The following CBX6 variants were observed in gnomAD, a reference collection of about 807,000 sequenced individuals.
CBX6 encodes the protein chromobox 6.
Under a neutral mutation model 28.4 loss-of-function variants are expected in CBX6, and 7 were observed. That is an observed-to-expected ratio of 0.25 (90% confidence interval 0.14 to 0.46). The LOEUF (loss-of-function observed/expected upper bound fraction) is 0.46, where lower values mean the gene tolerates loss of function less well. Among genes scored for constraint, CBX6 ranks in the 20% least tolerant of loss-of-function variants. The pLI, the probability that CBX6 is intolerant of heterozygous loss-of-function variation, is 0.99. For synonymous variants in CBX6, 297 were observed against 273.4 expected (o/e 1.09, Z -0.85); for missense variants, 512 against 606.1 (o/e 0.84, Z 1.63).
Position 38,864,252 on chromosome 22 carries a change from T to C in CBX6, c.*1957A>G, listed in dbSNP as rs1132718. 3.9e-5 allele frequency: 6 copies of C among 152,080 alleles called. No homozygotes were observed. Among genetic ancestry groups the C allele is most frequent in the African/African-American group, 1.2e-4 (5 of 41,416 alleles). 9.4% of individuals were successfully genotyped at this position (152,080 alleles called of 1,614,324 possible). ...TTTTTTTCCTCTTTTTTTGTTTTTG[T>C]TTTTTTGCAAAACTAATTCTTTCAC... On this transcript the variant is annotated 3_prime_UTR_variant, in exon 5 of 5. Transcript: ENST00000407418.
rs1445814794 is a variant in CBX6 at position 38,863,605 on chromosome 22, C to T, written c.*2604G>A. ...CACTGCCCACCTCAAGGCGGTGTGCCTGGTGCCTCTTCATGCACCAAGGCT... is the reference window on the plus strand; with the variant it reads ...CACTGCCCACCTCAAGGCGGTGTGCTTGGTGCCTCTTCATGCACCAAGGCT... On this transcript the variant is annotated 3_prime_UTR_variant, in exon 5 of 5. Transcript: ENST00000407418. 2 of 152,150 alleles carry T rather than the reference C, an allele frequency of 1.3e-5. No individual in the cohort carries two copies. Among genetic ancestry groups the T allele is most frequent in the African/African-American group, 4.8e-5 (2 of 41,420 alleles). 9.4% of individuals were successfully genotyped at this position (152,150 alleles called of 1,614,324 possible).
Position 38,866,187 on chromosome 22 carries a change from C to G in CBX6, c.*22G>C, listed in dbSNP as rs1004465580. The G allele has an allele frequency of 6.5e-7, 1 of 1,535,070 alleles. No homozygotes were observed. Among genetic ancestry groups the G allele is most frequent in the Non-Finnish European group, 8.9e-7 (1 of 1,124,066 alleles). ...TTCGGGCAGGAGGGCCCCCCCAAGC[C>G]CCCCTCCTTGGTGGAGCCCCCTCAC... On this transcript the variant is annotated 3_prime_UTR_variant, in exon 5 of 5. Coordinates refer to ENST00000407418, the MANE Select transcript of CBX6 (RefSeq NM_014292.5). This position sits in a 1 kb window ranked among gnomAD's most constrained non-coding sequence, Gnocchi z 7.5.
Position 38,871,186 on chromosome 22 carries a change from C to T in CBX6, c.246+294G>A, listed in dbSNP as rs1122770. The T allele has an allele frequency of 3.5e-3, 1,784 of 516,232 alleles. 24 individuals carry two copies. Among genetic ancestry groups the T allele is most frequent in the African/African-American group, 0.033 (1,650 of 50,502 alleles). The allele number at this position is 516,232 out of a possible 1,614,324, so 32.0% of individuals were successfully genotyped here. On this transcript the variant is annotated intron_variant, in intron 4 of 4. Coordinates refer to ENST00000407418, the MANE Select transcript of CBX6 (RefSeq NM_014292.5). The surrounding 1 kb of genome is among the most constrained non-coding windows in gnomAD (Gnocchi z 5.6). ...AAATGCCCCCTTCCCATGGGCATCC[C>T]CCACCTGCCTCAGCCACCCCCTTTC... is the stretch of plus-strand genomic sequence containing the variant.
rs1302061918 is a variant in CBX6 at position 38,871,596 on chromosome 22, A to C, written c.180-50T>G. ...TAAAAAGAGCCCCTTCCCGGGCCCC[A>C]CTCCGCGCTGCCCTCCCCGGCTCTC... On this transcript the variant is annotated intron_variant, in intron 3 of 4. Coordinates refer to ENST00000407418, the MANE Select transcript of CBX6 (RefSeq NM_014292.5). The surrounding 1 kb of genome is among the most constrained non-coding windows in gnomAD (Gnocchi z 5.6). 6.2e-7 allele frequency: 1 copy of C among 1,611,712 alleles called. No individual in the cohort carries two copies. Among genetic ancestry groups the C allele is most frequent in the Non-Finnish European group, 8.5e-7 (1 of 1,178,572 alleles).
chr22:38,866,172 A>AG lies in CBX6; in HGVS notation c.*36dup. The AG allele has an allele frequency of 6.9e-7, 1 of 1,441,602 alleles. No individual in the cohort carries two copies. Among genetic ancestry groups the AG allele is most frequent in the Non-Finnish European group, 9.5e-7 (1 of 1,049,174 alleles). 89.3% of individuals were successfully genotyped at this position (1,441,602 alleles called of 1,614,324 possible). A position where few individuals can be genotyped will look rare whatever the true frequency, so the allele number is the denominator to read the frequency against. Reference sequence around the variant, plus strand: ...GAGCAAGAGTATGACTTCGGGCAGGAGGGCCCCCCCAAGCCCCCCTCCTTG... The same window carrying AG: ...GAGCAAGAGTATGACTTCGGGCAGGAGGGGCCCCCCCAAGCCCCCCTCCTTG... On this transcript the variant is annotated 3_prime_UTR_variant, in exon 5 of 5. Coordinates refer to ENST00000407418, the MANE Select transcript of CBX6 (RefSeq NM_014292.5). This position sits in a 1 kb window ranked among gnomAD's most constrained non-coding sequence, Gnocchi z 7.5.
chr22:38,861,578 G>A lies in CBX6; in HGVS notation c.*4631C>T, dbSNP rs564252056. The stretch of plus-strand genomic sequence containing the variant: ...AACAAACGTACAAGACAGAGTAATC[G>A]GCACAGACCCACCCCTCCCCCGGAA... On this transcript the variant is annotated 3_prime_UTR_variant, in exon 5 of 5. Coordinates refer to ENST00000407418, the MANE Select transcript of CBX6 (RefSeq NM_014292.5). The A allele has an allele frequency of 6.6e-6, 1 of 152,292 alleles. No individual in the cohort carries two copies. The highest frequency in any genetic ancestry group is 2.1e-4 in the South Asian group (1 of 4,830). The allele number at this position is 152,292 out of a possible 1,614,324, so 9.4% of individuals were successfully genotyped here. A position where few individuals can be genotyped will look rare whatever the true frequency, so the allele number is the denominator to read the frequency against.
chr22:38,866,981 G>C lies in CBX6; in HGVS notation c.467C>G (p.Thr156Arg). Residue 156 changes from threonine to arginine, a missense_variant, in exon 5 of 5, where the codon ACG becomes AGG. Physicochemically the swap from Thr to Arg is moderately conservative, Grantham distance 71 (BLOSUM62 -1). Around this residue, in one of 7 missense-constraint regions of CBX6, gnomAD observed 123 missense variants for 138.1 expected, o/e 0.89. Coordinates refer to ENST00000407418, the MANE Select transcript of CBX6 (RefSeq NM_014292.5). The surrounding 1 kb of genome is among the most constrained non-coding windows in gnomAD (Gnocchi z 7.5). ...LRPPISPFSETVRIINRKVKP... is the reference protein window; with the variant it reads ...LRPPISPFSERVRIINRKVKP... The stretch of plus-strand genomic sequence containing the variant: ...CACCTTGCGGTTGATGATGCGCACC[G>C]TCTCCGAGAAGGGCGAAATGGGCGG... 6.2e-7 allele frequency: 1 copy of C among 1,608,768 alleles called. No individual in the cohort carries two copies. The highest frequency in any genetic ancestry group is 8.5e-7 in the Non-Finnish European group (1 of 1,178,456).
rs2093182567 is a variant in CBX6, at chr22:38,871,633, C to T, written c.179+59G>A. The T allele has an allele frequency of 1.9e-6, 3 of 1,611,100 alleles. No homozygotes were observed. Among genetic ancestry groups the T allele is most frequent in the Non-Finnish European group, 2.5e-6 (3 of 1,178,314 alleles). On this transcript the variant is annotated intron_variant, in intron 3 of 4. Coordinates refer to ENST00000407418, the MANE Select transcript of CBX6 (RefSeq NM_014292.5). This position sits in a 1 kb window ranked among gnomAD's most constrained non-coding sequence, Gnocchi z 5.6. ...CCTCCCCGGCTCTCCCGCTTCCCCG[C>T]GCGGCGCCCCAGCCGAGCCTCGGCC...
Position 38,866,440 on chromosome 22 carries a change from G to A in CBX6, c.1008C>T (p.Ala336=), listed in dbSNP as rs775475607. ...CAGGGGCCGTGGGAGGTGCCGGGCCGGCAGCAGCTGTGACCTCAGGCGGTG... is the reference window on the plus strand; with the variant it reads ...CAGGGGCCGTGGGAGGTGCCGGGCCAGCAGCAGCTGTGACCTCAGGCGGTG... ...KRAPPEVTAA[A]GPAPPTAPEP... Residue 336 remains alanine (A), a synonymous_variant, in exon 5 of 5, where the codon GCC becomes GCT. Coordinates refer to ENST00000407418, the MANE Select transcript of CBX6 (RefSeq NM_014292.5). The surrounding 1 kb of genome is among the most constrained non-coding windows in gnomAD (Gnocchi z 7.5). 9 of 1,608,728 alleles carry A rather than the reference G, an allele frequency of 5.6e-6. No homozygotes were observed. Among genetic ancestry groups the A allele is most frequent in the Non-Finnish European group, 7.6e-6 (9 of 1,178,848 alleles).
Position 38,862,556 on chromosome 22 carries a change from A to AAAAAGAAAAAC in CBX6, c.*3642_*3652dup. 1 of 151,666 alleles carries AAAAAGAAAAAC rather than the reference A, an allele frequency of 6.6e-6. No homozygotes were observed. The highest frequency in any genetic ancestry group is 1.5e-5 in the Non-Finnish European group (1 of 68,328). The allele number at this position is 151,666 out of a possible 1,614,324, so 9.4% of individuals were successfully genotyped here. ...AAAAAAAAAAAAAAAGAAAGAAAGA[A>AAAAAGAAAAAC]AAAAGAAAAACAAAAGAAAAAAGAA... is the stretch of plus-strand genomic sequence containing the variant. On this transcript the variant is annotated 3_prime_UTR_variant, in exon 5 of 5. Transcript: ENST00000407418.
chr22:38,871,607 C>T lies in CBX6; in HGVS notation c.180-61G>A. 1 of 1,611,438 alleles carries T rather than the reference C, an allele frequency of 6.2e-7. No individual in the cohort carries two copies. Among genetic ancestry groups the T allele is most frequent in the Non-Finnish European group, 8.5e-7 (1 of 1,178,152 alleles). On this transcript the variant is annotated intron_variant, in intron 3 of 4. Coordinates refer to ENST00000407418, the MANE Select transcript of CBX6 (RefSeq NM_014292.5). This position sits in a 1 kb window ranked among gnomAD's most constrained non-coding sequence, Gnocchi z 5.6. ...CCTTCCCGGGCCCCACTCCGCGCTG[C>T]CCTCCCCGGCTCTCCCGCTTCCCCG...
chr22:38,867,228 G>GGTGGGGGGGGGGGC, intron 4 of CBX6, 27 bp from the exon 5 acceptor site: 4 of 518,824 alleles, frequency 7.7e-6, no homozygotes, highest in East Asian at 9.9e-5. Context: ...GGGTGGGTGG[G>GGTGGGGGGGGGGGC]ACCTCAGGAC....
Position 38,866,203 on chromosome 22 carries a change from G to A in CBX6, c.*6C>T. On this transcript the variant is annotated 3_prime_UTR_variant, in exon 5 of 5. Transcript: ENST00000407418. The surrounding 1 kb of genome is among the most constrained non-coding windows in gnomAD (Gnocchi z 7.5). ...CCCCCAAGCCCCCCTCCTTGGTGGAGCCCCCTCACTTGCTCGCCCCAATGC... is the reference window on the plus strand; with the variant it reads ...CCCCCAAGCCCCCCTCCTTGGTGGAACCCCCTCACTTGCTCGCCCCAATGC... The A allele has an allele frequency of 6.3e-7, 1 of 1,586,090 alleles. No individual in the cohort carries two copies. The highest frequency in any genetic ancestry group is 8.6e-7 in the Non-Finnish European group (1 of 1,162,484).
rs778544392 is a variant in CBX6, at chr22:38,866,512, C to G, written c.936G>C (p.Val312=). Reference sequence around the variant, plus strand: ...ACTCGGGAGGGAGGGACAGGTCGAGCACCTCCGGCTCGCGCCAGCTGGGGG... The same window carrying G: ...ACTCGGGAGGGAGGGACAGGTCGAGGACCTCCGGCTCGCGCCAGCTGGGGG... ...PSAPSWREPE[V]LDLSLPPESA... Residue 312 remains valine (V), a synonymous_variant, in exon 5 of 5, where the codon GTG becomes GTC. Transcript: ENST00000407418. The surrounding 1 kb of genome is among the most constrained non-coding windows in gnomAD (Gnocchi z 7.5). The G allele has an allele frequency of 2.5e-6, 4 of 1,586,206 alleles. No individual in the cohort carries two copies. In the African/African-American group the frequency reaches 4.0e-5, roughly 16 times the overall value.
Position 38,872,078 on chromosome 22 carries a change from C to T in CBX6, c.69+44G>A. The T allele has an allele frequency of 7.6e-7, 1 of 1,311,414 alleles. No individual in the cohort carries two copies. The highest frequency in any genetic ancestry group is 9.8e-7 in the Non-Finnish European group (1 of 1,022,334). 81.2% of individuals were successfully genotyped at this position (1,311,414 alleles called of 1,614,324 possible). A position where few individuals can be genotyped will look rare whatever the true frequency, so the allele number is the denominator to read the frequency against. On this transcript the variant is annotated intron_variant, in intron 1 of 4. Coordinates refer to ENST00000407418, the MANE Select transcript of CBX6 (RefSeq NM_014292.5). The surrounding 1 kb of genome is among the most constrained non-coding windows in gnomAD (Gnocchi z 5.0). ...TCGCCCCGAGGGCCCCCGGCCCCGG[C>T]CCCGGCTGCGGACAGCGGCGGCCCG...
intron 4 of CBX6, among the ~76,000 whole-genome samples, chr22:38,869,106 A>G (rs2093176769): frequency 6.6e-6 from 1 of 152,218 alleles, no homozygotes; most frequent in South Asian, 2.1e-4. Flanking sequence ...TGGGCCCCTC[A>G]GACCCCTTCC....
rs1381680029 is a variant in CBX6 at position 38,871,371 on chromosome 22, AG to A, written c.246+108del. 1 of 1,148,470 alleles carries A rather than the reference AG, an allele frequency of 8.7e-7. No individual in the cohort carries two copies. Among genetic ancestry groups the A allele is most frequent in the East Asian group, 2.4e-5 (1 of 41,504 alleles). 71.1% of individuals were successfully genotyped at this position (1,148,470 alleles called of 1,614,324 possible). A position where few individuals can be genotyped will look rare whatever the true frequency, so the allele number is the denominator to read the frequency against. On this transcript the variant is annotated intron_variant, in intron 4 of 4. Coordinates refer to ENST00000407418, the MANE Select transcript of CBX6 (RefSeq NM_014292.5). The surrounding 1 kb of genome is among the most constrained non-coding windows in gnomAD (Gnocchi z 5.6). ...CTGCCCAGCTGGGGCCCCTCTGAAA[AG>A]GCCGGCCCGCTTGGGCGGCCGCGTA...
chr22:38,866,761 G>T lies in CBX6; in HGVS notation c.687C>A (p.Phe229Leu). The T allele has an allele frequency of 6.2e-7, 1 of 1,611,126 alleles. No homozygotes were observed. Among genetic ancestry groups the T allele is most frequent in the Non-Finnish European group, 8.5e-7 (1 of 1,178,726 alleles). Residue 229 changes from phenylalanine (F) to leucine (L), a missense_variant, in exon 5 of 5, where the codon TTC (phenylalanine) becomes TTA (leucine). By Grantham distance (22) the Phe-to-Leu change is conservative (BLOSUM62 0). Around this residue, in one of 7 missense-constraint regions of CBX6, gnomAD observed 290 missense variants for 274.1 expected, o/e 1.06. Coordinates refer to ENST00000407418, the MANE Select transcript of CBX6 (RefSeq NM_014292.5). The surrounding 1 kb of genome is among the most constrained non-coding windows in gnomAD (Gnocchi z 7.5). Reference sequence around the variant, plus strand: ...GAGGCTTGTACAGCGCAAAGGCGCCGAACTTCATGTGGCGGATCTGTGTAC... The same window carrying T: ...GAGGCTTGTACAGCGCAAAGGCGCCTAACTTCATGTGGCGGATCTGTGTAC... Reference protein sequence around the residue: ...VLRTQIRHMKFGAFALYKPPP... With the variant: ...VLRTQIRHMKLGAFALYKPPP...
chr22:38,865,905 TAGAG>T lies in CBX6; in HGVS notation c.*300_*303del. 2.5e-6 allele frequency: 1 copy of T among 406,362 alleles called. No homozygotes were observed. Among genetic ancestry groups the T allele is most frequent in the Non-Finnish European group, 4.4e-6 (1 of 226,342 alleles). The allele number at this position is 406,362 out of a possible 1,614,324, so 25.2% of individuals were successfully genotyped here. A position where few individuals can be genotyped will look rare whatever the true frequency, so the allele number is the denominator to read the frequency against. On this transcript the variant is annotated 3_prime_UTR_variant, in exon 5 of 5. Coordinates refer to ENST00000407418, the MANE Select transcript of CBX6 (RefSeq NM_014292.5). Reference sequence around the variant, plus strand: ...CCGCACAGGAGAGCAGGAAGCAAGCTAGAGAGACAGGTGGGATGTGGAAGGGGCA... The same window carrying T: ...CCGCACAGGAGAGCAGGAAGCAAGCTAGACAGGTGGGATGTGGAAGGGGCA...
Sources: allele counts gnomAD v4.1 joint callset (sites outside exome capture counted in the v4.1 genomes callset), GRCh38; gene constraint gnomAD v4.1.1; regional missense constraint gnomAD v4.1.1; non-coding constraint Gnocchi (gnomAD v3.1); transcripts MANE v1.5; gene names NCBI Gene and HGNC (gene_info 2026-07-23, HGNC 2026-07-21).